The following KCTD14 variants were observed in gnomAD, a reference collection of about 807,000 sequenced individuals.
KCTD14 encodes BTB/POZ domain-containing protein KCTD14.
A neutral mutation model predicts 5.9 loss-of-function variants in KCTD14; 7 were observed. The ratio of observed to expected loss-of-function variants is 1.19; its 90% CI spans 0.68 to 2.23. KCTD14 has a LOEUF of 2.23. KCTD14 is among the 30% of genes most tolerant of loss of function. KCTD14 has a pLI of 0.00. For missense variants in KCTD14, 342 were observed against 332.2 expected, an observed-to-expected ratio of 1.03 and a Z score of -0.23; for synonymous variants, 140 against 133.1, an observed-to-expected ratio of 1.05 and a Z score of -0.36.
At chr11:78,021,297 C>CAAAA (rs531185817) in intron 1 of KCTD14, among the ~76,000 whole-genome samples, 7 of 85,180 alleles carry the variant, frequency 8.2e-5, no homozygotes, top group East Asian at 4.3e-4. Flanking sequence ...GACCCTGTCT[C>CAAAA]AAAAAAAAAA....
intron 2 of KCTD14, chr11:78,038,661 T>C: frequency 1.3e-6 from 2 of 1,535,688 alleles, no homozygotes; most frequent in Non-Finnish European, 1.7e-6. Flanking sequence ...GTGACCTGCA[T>C]ACCTAATGGG....
At chr11:78,027,552 G>A (rs775256897), upstream of KCTD14, among the ~76,000 whole-genome samples, 2 of 151,972 alleles carry the variant, frequency 1.3e-5, no homozygotes, top group Non-Finnish European at 2.9e-5. Context: ...TAGTAGAGAC[G>A]GGGTTTCACC....
intron 1 of KCTD14, among the ~76,000 whole-genome samples, chr11:78,043,138 C>T (rs537644264): frequency 2.0e-5 from 3 of 152,268 alleles, no homozygotes; most frequent in East Asian, 3.9e-4. Flanking sequence ...AGTGAGCCAC[C>T]GCACTTGGCC....
chr11:78,043,348 A>T (rs956832593), intron 1 of KCTD14, among the ~76,000 whole-genome samples: 4 of 152,236 alleles, frequency 2.6e-5, no homozygotes, highest in African/African-American at 9.6e-5. Flanking sequence ...TTGCTATGGA[A>T]TAACTGTCAT....
chr11:78,034,576 G>C lies in KCTD14; in HGVS notation c.-1+4088C>G, dbSNP rs117113254. On this transcript the variant is annotated intron_variant, in intron 2 of 2. Coordinates refer to the KCTD14 transcript ENST00000533144. ...GTCATGTGTGGAGGACAGATTGTGC[G>C]ACCTGGGTTCAAGTCCTGGCCTTGA... Among the ~76,000 whole-genome samples the C allele has an allele frequency of 2.4e-3, 369 of 151,686 alleles. 9 individuals are homozygous for C. In the East Asian group the frequency reaches 0.057, roughly 23 times the overall value.
At chr11:78,017,318 C>G (rs72943029) in intron 1 of KCTD14, 48 bp from the exon 2 acceptor site, 1 of 1,515,920 alleles carries the variant, frequency 6.6e-7, no homozygotes, top group Admixed American at 2.2e-5. Context: ...CTCCCCTGAG[C>G]GCATTACTTA....
intron 1 of KCTD14, chr11:78,045,990 G>C: frequency 1.8e-6 from 1 of 563,626 alleles, no homozygotes; most frequent in Non-Finnish European, 2.2e-6. Flanking sequence ...AGGTGTCCCA[G>C]TTAGAGGCAG....
At chr11:78,025,136 A>ATG (rs1215502489), upstream of KCTD14, among the ~76,000 whole-genome samples, 1 of 113,520 alleles carries the variant, frequency 8.8e-6, no homozygotes, top group Non-Finnish European at 1.6e-5. Flanking sequence ...ATATATATAT[A>ATG]TATATATATA....
chr11:78,023,223 C>T lies in KCTD14; in HGVS notation c.27G>A (p.Arg9=). The change falls in exon 1 of 2, where the codon CGG becomes CGA. Residue 9 remains arginine (R), a synonymous_variant. Transcript: ENST00000353172. MWQGCAVE[R]PVGRMTSQTP... is the part of the protein sequence containing the mutation. ...TCTGGCTCGTCATCCTGCCCACTGG[C>T]CGCTCCACTGCGCAGCCCTGCCACA... 6.2e-7 allele frequency: 1 copy of T among 1,608,428 alleles called. No homozygotes were observed.
chr11:78,028,010 T>C (rs909333794), upstream of KCTD14, among the ~76,000 whole-genome samples: 1 of 152,078 alleles, frequency 6.6e-6, no homozygotes, highest in African/African-American at 2.4e-5. Context: ...CTCCTTCCAG[T>C]CATGGCCTGA....
At chr11:78,046,015 C>T (rs1162379704) in intron 1 of KCTD14, 7 of 801,224 alleles carry the variant, frequency 8.7e-6, no homozygotes, top group South Asian at 5.7e-5. Context: ...AGGAGGGGAG[C>T]GTTTGCCAGA....
Position 78,017,205 on chromosome 11 carries a change from C to G in KCTD14, c.156G>C (p.Arg52Ser). The G allele has an allele frequency of 6.2e-7, 1 of 1,613,462 alleles. No individual in the cohort carries two copies. The highest frequency in any genetic ancestry group is 8.5e-7 in the Non-Finnish European group (1 of 1,179,476). The change falls in exon 2 of 2, where the codon AGG (arginine) becomes AGC (serine). Residue 52 changes from arginine to serine, a missense_variant. Coordinates refer to ENST00000353172, the MANE Select transcript of KCTD14 (RefSeq NM_023930.4). ...EFHTTTLGTL[R>S]KFPGSKLAEM... Reference sequence around the variant, plus strand: ...CTGCCAGCTTTGAGCCCGGAAACTTCCTCAGGGTACCCAGGGTGGTGGTGT... The same window carrying G: ...CTGCCAGCTTTGAGCCCGGAAACTTGCTCAGGGTACCCAGGGTGGTGGTGT...
At chr11:78,038,171 G>A (rs909557333) in intron 2 of KCTD14, among the ~76,000 whole-genome samples, 5 of 152,128 alleles carry the variant, frequency 3.3e-5, no homozygotes, top group Non-Finnish European at 5.9e-5. Flanking sequence ...AGACAGGACA[G>A]AACGAAGTAG....
upstream of KCTD14, among the ~76,000 whole-genome samples, chr11:78,025,423 A>T (rs1857440464): frequency 6.6e-6 from 1 of 152,006 alleles, no homozygotes; most frequent in Non-Finnish European, 1.5e-5. Context: ...AGGGTGGGCC[A>T]TCCTTTCCCA....
upstream of KCTD14, among the ~76,000 whole-genome samples, chr11:78,027,609 G>C (rs1442642717): frequency 6.6e-6 from 1 of 151,892 alleles, no homozygotes; most frequent in Non-Finnish European, 1.5e-5. Context: ...GATCTGCCTG[G>C]CTCGGCCTCC....
At position 78,016,482 on chromosome 11, in the gene KCTD14, C is replaced by G; in HGVS notation, c.*111G>C. ...CAATATTTAGTGGCAAGACTCTAGACCAACCCTGGAAATTGCCTGATGTTT... is the reference window on the plus strand; with the variant it reads ...CAATATTTAGTGGCAAGACTCTAGAGCAACCCTGGAAATTGCCTGATGTTT... On this transcript the variant is annotated 3_prime_UTR_variant, in exon 2 of 2. Transcript: ENST00000353172. 3.2e-6 allele frequency: 3 copies of G among 945,648 alleles called. No individual in the cohort carries two copies. In the South Asian group the frequency reaches 5.2e-5, roughly 16 times the overall value. 58.6% of individuals were successfully genotyped at this position (945,648 alleles called of 1,614,324 possible).
rs1857148161 is a variant in KCTD14 at position 78,015,817 on chromosome 11, A to G, written c.*776T>C. 1 of 152,274 alleles carries G rather than the reference A, an allele frequency of 6.6e-6. No homozygotes were observed. The highest frequency in any genetic ancestry group is 1.5e-5 in the Non-Finnish European group (1 of 68,066). 9.4% of individuals were successfully genotyped at this position (152,274 alleles called of 1,614,324 possible). On this transcript the variant is annotated 3_prime_UTR_variant, in exon 2 of 2. Coordinates refer to ENST00000353172, the MANE Select transcript of KCTD14 (RefSeq NM_023930.4). The stretch of plus-strand genomic sequence containing the variant: ...AACTGAGTAAGAATGTGCTCTCAGA[A>G]GAAGACTGACTTCAGCTTGATTCCA...
chr11:78,029,880 C>T (rs549378548), intron 2 of KCTD14, among the ~76,000 whole-genome samples: 1 of 151,774 alleles, frequency 6.6e-6, no homozygotes, highest in Non-Finnish European at 1.5e-5. Context: ...CTCCCAGGTT[C>T]ATACCATTCT....
chr11:78,019,189 T>C (rs1857250555), intron 1 of KCTD14, among the ~76,000 whole-genome samples: 3 of 152,114 alleles, frequency 2.0e-5, no homozygotes, highest in African/African-American at 7.2e-5. Context: ...AATTTTTGTA[T>C]TTTTAGCACA....
Sources: gnomAD v4.1 joint callset for allele counts (sites outside exome capture counted in the v4.1 genomes callset) on GRCh38, gnomAD v4.1.1 for gene constraint, MANE v1.5 for transcripts, NCBI Gene and HGNC (gene_info 2026-07-23, HGNC 2026-07-21) for gene names.